C4orf50: variants seen among roughly 807,000 people sequenced by gnomAD.
C4orf50 encodes the protein chromosome 4 open reading frame 50.
C4orf50 carries 80 observed loss-of-function variants against 77.2 expected under a neutral mutation model. That is an observed-to-expected ratio of 1.04 (90% CI 0.87 to 1.25). C4orf50 has a LOEUF of 1.25. C4orf50 is among the 50% of genes most tolerant of loss of function. C4orf50 has a pLI of 0.00. For synonymous variants in C4orf50, 532 were observed against 465.3 expected, an observed-to-expected ratio of 1.14 and a Z score of -1.84; for missense variants, 1,257 against 1,152.9, an observed-to-expected ratio of 1.09 and a Z score of -1.31.
rs368371346 is a variant in C4orf50 at position 5,966,916 on chromosome 4, G to T, written c.4153+498C>A. Among the ~76,000 whole-genome samples the T allele has an allele frequency of 7.1e-3, 1,075 of 152,294 alleles. 11 individuals are homozygous for T. The highest frequency in any genetic ancestry group is 0.025 in the South Asian group (121 of 4,818). Reference sequence around the variant, plus strand: ...GCCTGCCTCGGCCCCCCAAAGTGCTGGGATTACAGGCGTGAGCCACTGCGC... The same window carrying T: ...GCCTGCCTCGGCCCCCCAAAGTGCTTGGATTACAGGCGTGAGCCACTGCGC... On this transcript the variant is annotated intron_variant, in intron 32 of 33. Coordinates refer to ENST00000531445, the Ensembl canonical transcript of C4orf50.
At chr4:5,943,389 G>A (rs1003878034) in intron 7 of C4orf50, among the ~76,000 whole-genome samples, 1 of 152,130 alleles carries the variant, frequency 6.6e-6, no homozygotes, top group Non-Finnish European at 1.5e-5. Flanking sequence ...AGATTTTACT[G>A]GCTATGCACC....
At chr4:5,965,752 G>A (rs886332444) in intron 32 of C4orf50, among the ~76,000 whole-genome samples, 9 of 152,310 alleles carry the variant, frequency 5.9e-5, no homozygotes, top group East Asian at 1.9e-4. Context: ...CTGAGAACAC[G>A]TTTCTCTGCT....
downstream of C4orf50, among the ~76,000 whole-genome samples, chr4:5,954,309 G>C (rs1718854323): frequency 6.6e-6 from 1 of 152,078 alleles, no homozygotes; most frequent in Admixed American, 6.5e-5. The surrounding 1 kb of genome is among the most constrained non-coding windows in gnomAD (Gnocchi z 4.7). Context: ...CCCAGCCCCG[G>C]GGCTGGGCAT....
At chr4:5,920,475 CT>C (rs527939516) in intron 7 of C4orf50, among the ~76,000 whole-genome samples, 3,553 of 128,924 alleles carry the variant, frequency 0.028, 34 homozygotes, top group Non-Finnish European at 0.039. Context: ...ATAAACATTG[CT>C]TTTTTTTTTT....
chr4:5,934,052 T>C (rs1223810701), intron 7 of C4orf50, among the ~76,000 whole-genome samples: 2 of 152,088 alleles, frequency 1.3e-5, no homozygotes, highest in Non-Finnish European at 2.9e-5. Flanking sequence ...AGCAGCGTGG[T>C]GTAGGGTTAA....
chr4:5,953,251 C>T (rs1003515340), downstream of C4orf50, among the ~76,000 whole-genome samples: 2 of 152,162 alleles, frequency 1.3e-5, no homozygotes, highest in African/African-American at 4.8e-5. Context: ...GAACCCTAGC[C>T]AAGCTGCAGA....
At chr4:5,957,755 GA>G (rs1330301139) in exon 34 of C4orf50, 4 of 152,286 alleles carry the variant, frequency 2.6e-5, no homozygotes, top group African/African-American at 9.6e-5. Flanking sequence ...TAACCCATCA[GA>G]AAACCCCATA....
At chr4:5,953,332 T>C (rs563319945), downstream of C4orf50, among the ~76,000 whole-genome samples, 2 of 152,298 alleles carry the variant, frequency 1.3e-5, no homozygotes, top group South Asian at 4.1e-4. Flanking sequence ...ATATTGCGGC[T>C]ACAGTTGACT....
At position 5,961,930 on chromosome 4, in the gene C4orf50, C is replaced by T. The variant is rs555762744; in HGVS notation, c.4276-2304G>A. Among the ~76,000 whole-genome samples the T allele has an allele frequency of 3.3e-5, 5 of 152,246 alleles. No individual in the cohort carries two copies. The South Asian group carries it at 1.0e-3, about 32-fold the overall frequency. On this transcript the variant is annotated intron_variant, in intron 33 of 33. Coordinates refer to ENST00000531445, the Ensembl canonical transcript of C4orf50. Reference sequence around the variant, plus strand: ...TCATTTTCCTTGTAGGTCACTAATCCCCTGGTGTCATTATTTAACAAGTTT... The same window carrying T: ...TCATTTTCCTTGTAGGTCACTAATCTCCTGGTGTCATTATTTAACAAGTTT...
intron 24 of C4orf50, among the ~76,000 whole-genome samples, chr4:6,010,480 C>T (rs1722448122): frequency 6.6e-6 from 1 of 152,228 alleles, no homozygotes; most frequent in African/African-American, 2.4e-5. Context: ...CACCTGTGAA[C>T]ATCATGCTCA....
rs757708568 is a variant in C4orf50, at chr4:5,980,353, G to T, written c.3700-15C>A. The stretch of plus-strand genomic sequence containing the variant: ...GAGTCCCGGAGCTGCGGAAATCACA[G>T]ATTTGAATGAAATGTTTAGGTTATC... On this transcript the variant is annotated splice_polypyrimidine_tract_variant and intron_variant, in intron 28 of 33. Transcript: ENST00000531445. 8 of 1,607,034 alleles carry T rather than the reference G, an allele frequency of 5.0e-6. No homozygotes were observed. The highest frequency in any genetic ancestry group is 5.9e-6 in the Non-Finnish European group (7 of 1,177,212).
intron 7 of C4orf50, among the ~76,000 whole-genome samples, chr4:5,918,540 C>T (rs10937691): frequency 0.43 from 65,906 of 152,092 alleles, 17,519 homozygotes; most frequent in East Asian, 0.81. Flanking sequence ...GCCACAGTGG[C>T]TGCAGCCCAG....
intron 27 of C4orf50, among the ~76,000 whole-genome samples, chr4:5,991,284 G>A (rs1418533163): frequency 6.6e-6 from 1 of 152,200 alleles, no homozygotes; most frequent in African/African-American, 2.4e-5. Context: ...ATTAAATCAA[G>A]GTTAACATTC....
At chr4:5,995,608 C>T (rs186570632) in intron 25 of C4orf50, among the ~76,000 whole-genome samples, 19 of 152,246 alleles carry the variant, frequency 1.2e-4, no homozygotes, top group Non-Finnish European at 1.3e-4. Context: ...GTGCTCCAGC[C>T]CGGTGCTGTT....
In C4orf50 at chr4:5,900,772, G is replaced by A. The variant is rs1716310153; in HGVS notation, c.*2475-2584C>T. The A allele has an allele frequency of 6.6e-6, 1 of 152,230 alleles. No individual in the cohort carries two copies. The highest frequency in any genetic ancestry group is 2.4e-5 in the African/African-American group (1 of 41,466). 9.4% of individuals were successfully genotyped at this position (152,230 alleles called of 1,614,324 possible). On this transcript the variant is annotated intron_variant, in intron 7 of 7. Transcript: ENST00000324058. The surrounding 1 kb of genome is among the most constrained non-coding windows in gnomAD (Gnocchi z 4.3). ...TCAGTTTCCTCGCCTGTAAAATGGG[G>A]AGGAGAAGGATGCTTACACTAGATG...
chr4:5,989,493 T>C, exon 28 of C4orf50: 1 of 1,536,068 alleles, frequency 6.5e-7, no homozygotes, highest in Admixed American at 2.0e-5. Flanking sequence ...GAGAGTGAGC[T>C]CTCTCCCAGC....
chr4:5,996,500 A>C (rs1721596000), intron 25 of C4orf50, among the ~76,000 whole-genome samples: 1 of 125,148 alleles, frequency 8.0e-6, no homozygotes, highest in Non-Finnish European at 1.6e-5. Context: ...TTCTCCCCGC[A>C]CCTCAGAGCC....
intron 7 of C4orf50, among the ~76,000 whole-genome samples, chr4:5,949,536 T>A (rs1718631509): frequency 6.6e-6 from 1 of 152,122 alleles, no homozygotes; most frequent in African/African-American, 2.4e-5. Context: ...TGTCAGGAGC[T>A]GGGGGAGATG....
At chr4:5,948,109 C>T (rs1410705246) in intron 7 of C4orf50, among the ~76,000 whole-genome samples, 2 of 152,216 alleles carry the variant, frequency 1.3e-5, no homozygotes, top group South Asian at 4.1e-4. Context: ...GGACACTTCT[C>T]TCTGTGACCC....
Sources: allele counts gnomAD v4.1 joint callset (sites outside exome capture counted in the v4.1 genomes callset), GRCh38; gene constraint gnomAD v4.1.1; non-coding constraint Gnocchi (gnomAD v3.1); transcripts MANE v1.5; gene names NCBI Gene and HGNC (gene_info 2026-07-23, HGNC 2026-07-21).